FER: variants seen among roughly 807,000 people sequenced by gnomAD.
FER encodes FER tyrosine kinase, also known as tyrosine-protein kinase Fer.
FER carries 63 observed loss-of-function variants against 111.0 expected under a neutral mutation model. The ratio of observed to expected loss-of-function variants is 0.57; its 90% CI spans 0.46 to 0.70. The LOEUF (loss-of-function observed/expected upper bound fraction) is 0.70. Ranked by LOEUF, FER falls within the 30% of genes least tolerant of loss-of-function variation. FER has a pLI of 0.00. For synonymous variants in FER, 327 were observed against 313.9 expected (o/e 1.04, Z -0.44); for missense variants, 914 against 954.0 (o/e 0.96, Z 0.55).
At chr5:108,813,767 A>T (rs935498843) in intron 3 of FER, among the ~76,000 whole-genome samples, 19 of 152,130 alleles carry the variant, frequency 1.2e-4, no homozygotes, top group African/African-American at 4.1e-4. Context: ...TATTTCCAGC[A>T]GTGTCTCTTC....
At chr5:109,002,743 C>A (rs556353023) in intron 13 of FER, among the ~76,000 whole-genome samples, 2 of 152,020 alleles carry the variant, frequency 1.3e-5, no homozygotes, top group South Asian at 4.2e-4. Context: ...GGCTAATATC[C>A]AGAATCTACA....
At chr5:108,802,776 G>A (rs956544462) in intron 3 of FER, among the ~76,000 whole-genome samples, 2 of 151,896 alleles carry the variant, frequency 1.3e-5, no homozygotes, top group South Asian at 2.1e-4. Flanking sequence ...TAAAACTTAC[G>A]AATTTTCTGT....
chr5:108,834,172 C>T (rs1760356085), intron 4 of FER, among the ~76,000 whole-genome samples: 1 of 152,096 alleles, frequency 6.6e-6, no homozygotes, highest in Admixed American at 6.5e-5. Flanking sequence ...CTGTTAGCAT[C>T]TTATGATGTG....
At chr5:108,818,801 A>G (rs1048324578) in intron 3 of FER, among the ~76,000 whole-genome samples, 1 of 152,160 alleles carries the variant, frequency 6.6e-6, no homozygotes, top group African/African-American at 2.4e-5. Context: ...CTTCTCACAG[A>G]GCATGTCATA....
In FER at chr5:108,813,405, C is replaced by T. The variant is rs1016778860; in HGVS notation, c.207+15016C>T. Among the ~76,000 whole-genome samples the T allele has an allele frequency of 3.9e-4, 59 of 152,190 alleles. 1 individual carries two copies. Among genetic ancestry groups the T allele is most frequent in the Non-Finnish European group, 1.3e-4 (9 of 67,972 alleles). On this transcript the variant is annotated intron_variant, in intron 3 of 19. Transcript: ENST00000281092. ...CTAGGGTCTTGTTGACCTTTTTAAACCCATGGGCTACTACAGTTTTCATCA... is the reference window on the plus strand; with the variant it reads ...CTAGGGTCTTGTTGACCTTTTTAAATCCATGGGCTACTACAGTTTTCATCA...
intron 17 of FER, among the ~76,000 whole-genome samples, chr5:109,115,574 G>T (rs923757123): frequency 6.6e-6 from 1 of 152,098 alleles, no homozygotes. Context: ...CTAAAATTAT[G>T]TAAATAGTTC....
chr5:108,904,808 T>TATA (rs1447874644), intron 10 of FER, among the ~76,000 whole-genome samples: 1 of 152,176 alleles, frequency 6.6e-6, no homozygotes, highest in African/African-American at 2.4e-5. Flanking sequence ...AGATATTAAT[T>TATA]ATAACATTAA....
intron 1 of FER, among the ~76,000 whole-genome samples, chr5:108,756,174 T>A (rs866009836): frequency 0.02 from 2,811 of 141,442 alleles, 48 homozygotes; most frequent in Non-Finnish European, 0.029. Context: ...AAAAAAAAAA[T>A]AATAATAATA....
chr5:109,020,118 T>A (rs971660380), intron 13 of FER, among the ~76,000 whole-genome samples: 1 of 152,024 alleles, frequency 6.6e-6, no homozygotes, highest in African/African-American at 2.4e-5. Context: ...ATTAATTGTA[T>A]GTACATTGCT....
chr5:108,859,416 G>A (rs1040721820), intron 5 of FER, among the ~76,000 whole-genome samples: 4 of 152,118 alleles, frequency 2.6e-5, no homozygotes, highest in Non-Finnish European at 5.9e-5. Context: ...GTAAAGGCTT[G>A]CTTTGGGAGG....
At chr5:108,927,782 G>A (rs1290560569) in intron 10 of FER, among the ~76,000 whole-genome samples, 1 of 152,118 alleles carries the variant, frequency 6.6e-6, no homozygotes, top group East Asian at 1.9e-4. Flanking sequence ...CAGTCACGTG[G>A]AAGACCCACC....
At chr5:109,125,045 CAA>C (rs373849561) in intron 17 of FER, among the ~76,000 whole-genome samples, 9 of 75,602 alleles carry the variant, frequency 1.2e-4, no homozygotes, top group Non-Finnish European at 1.1e-4. Flanking sequence ...GACTCTGTCT[CAA>C]AAAAAAAAAA....
chr5:109,076,771 G>A (rs10056169), intron 16 of FER, among the ~76,000 whole-genome samples: 19,335 of 152,118 alleles, frequency 0.13, 1,268 homozygotes, highest in African/African-American at 0.16. Context: ...GTCTGGGTTA[G>A]GTTCCCTGTA....
chr5:109,119,125 T>A (rs1750644662), intron 17 of FER, among the ~76,000 whole-genome samples: 1 of 152,200 alleles, frequency 6.6e-6, no homozygotes, highest in East Asian at 1.9e-4. Flanking sequence ...AGATCTTTCC[T>A]GCTTTCTCTT....
intron 3 of FER, among the ~76,000 whole-genome samples, chr5:108,816,065 C>T (rs1033600890): frequency 5.3e-5 from 8 of 151,746 alleles, no homozygotes; most frequent in African/African-American, 1.9e-4. Flanking sequence ...CTAACTACAC[C>T]ACCGCCCCCC....
intron 5 of FER, among the ~76,000 whole-genome samples, chr5:108,863,903 G>T (rs1763774234): frequency 6.6e-6 from 1 of 152,088 alleles, no homozygotes; most frequent in Non-Finnish European, 1.5e-5. Flanking sequence ...AGTGATTCAA[G>T]TTTTTTTCTT....
chr5:108,971,790 C>T, intron 13 of FER, among the ~76,000 whole-genome samples: 1 of 152,094 alleles, frequency 6.6e-6, no homozygotes, highest in East Asian at 1.9e-4. Context: ...GCATTAAATA[C>T]ATTAAAAAGT....
At chr5:108,927,724 C>A (rs1341814510) in intron 10 of FER, among the ~76,000 whole-genome samples, 3 of 152,180 alleles carry the variant, frequency 2.0e-5, no homozygotes, top group Admixed American at 2.0e-4. Flanking sequence ...CATGTGCTCT[C>A]TGGTTTAGTC....
At chr5:108,972,613 A>G (rs1265634721) in intron 13 of FER, among the ~76,000 whole-genome samples, 1 of 152,140 alleles carries the variant, frequency 6.6e-6, no homozygotes, top group Admixed American at 6.6e-5. Context: ...AGCAATAAGG[A>G]TATTTTTACT....
Sources: allele counts gnomAD v4.1 joint callset (sites outside exome capture counted in the v4.1 genomes callset), GRCh38; gene constraint gnomAD v4.1.1; transcripts MANE v1.5; gene names NCBI Gene and HGNC (gene_info 2026-07-23, HGNC 2026-07-21).